PKNOX2: variants seen among roughly 807,000 people sequenced by gnomAD.
The protein encoded by PKNOX2 is homeobox protein PKNOX2.
PKNOX2 carries 14 observed loss-of-function variants against 53.1 expected under a neutral mutation model. The observed-to-expected ratio is 0.26, with a 90% confidence interval of 0.17 to 0.41. The LOEUF (loss-of-function observed/expected upper bound fraction) is 0.41, where lower values mean the gene tolerates loss of function less well. Among genes scored for constraint, PKNOX2 ranks in the 10% least tolerant of loss-of-function variants. PKNOX2 has a pLI of 1.00. For synonymous variants in PKNOX2, 257 were observed against 242.8 expected, an observed-to-expected ratio of 1.06 and a Z score of -0.54; for missense variants, 496 against 602.8, an observed-to-expected ratio of 0.82 and a Z score of 1.85.
rs950605642 is a variant in PKNOX2 at position 125,367,902 on chromosome 11, C to T, written c.144C>T (p.Pro48=). ...CCCAGGCTGTCCACATCTCTGCCCC[C>T]TCAGCTGCTGCCAGCACACCTGTGC... The part of the protein sequence containing the change: ...SKAQAVHISA[P]SAAASTPVPS... Residue 48 remains proline, a synonymous_variant, in exon 5 of 13, where the codon CCC becomes CCT. Coordinates refer to ENST00000298282, the MANE Select transcript of PKNOX2 (RefSeq NM_001382323.2). 14 of 1,613,716 alleles carry T rather than the reference C, an allele frequency of 8.7e-6. No homozygotes were observed. The highest frequency in any genetic ancestry group is 3.3e-5 in the Admixed American group (2 of 59,986).
intron 3 of PKNOX2, among the ~76,000 whole-genome samples, chr11:125,346,820 G>C (rs200576537): frequency 7.0e-6 from 1 of 142,354 alleles, no homozygotes; most frequent in Non-Finnish European, 1.5e-5. Flanking sequence ...GATGGAAGGG[G>C]GGAAGGAAGG....
intron 10 of PKNOX2, among the ~76,000 whole-genome samples, chr11:125,413,295 A>G (rs1358701615): frequency 2.0e-5 from 3 of 152,234 alleles, no homozygotes; most frequent in Non-Finnish European, 4.4e-5. Flanking sequence ...GTCCAGCCTC[A>G]GGCCTCTAAG....
chr11:125,312,892 G>C (rs1439958095), intron 2 of PKNOX2, among the ~76,000 whole-genome samples: 1 of 152,168 alleles, frequency 6.6e-6, no homozygotes. Flanking sequence ...AAGTAGATAA[G>C]GTAGGAAAGG....
chr11:125,189,719 T>C lies in PKNOX2; in HGVS notation c.-201+24943T>C, dbSNP rs577046732. Among the ~76,000 whole-genome samples, 84 of 151,832 alleles carry C rather than the reference T, an allele frequency of 5.5e-4. 1 individual carries two copies. The highest frequency in any genetic ancestry group is 2.0e-3 in the African/African-American group (81 of 41,408). On this transcript the variant is annotated intron_variant, in intron 1 of 12. Transcript: ENST00000298282. ...TACTTTCATCCTTCTTTCTCTGCAC[T>C]CTATGCCACTTTCTTCCACCATCCT... is the stretch of plus-strand genomic sequence containing the variant.
At chr11:125,395,839 T>C (rs1009684117) in intron 6 of PKNOX2, among the ~76,000 whole-genome samples, 4 of 152,244 alleles carry the variant, frequency 2.6e-5, no homozygotes, top group Non-Finnish European at 4.4e-5. Flanking sequence ...CTTTGTCAGG[T>C]ACTTGGTTTG....
chr11:125,361,315 C>G (rs564053968), intron 4 of PKNOX2, among the ~76,000 whole-genome samples: 144 of 152,342 alleles, frequency 9.5e-4, no homozygotes, highest in African/African-American at 3.4e-3. Flanking sequence ...GCAGAGGAGC[C>G]TGGCCTGGTT....
intron 2 of PKNOX2, among the ~76,000 whole-genome samples, chr11:125,235,407 G>T (rs1942589171): frequency 6.6e-6 from 1 of 152,236 alleles, no homozygotes. Flanking sequence ...GAGTCTGCAA[G>T]GCCGACCCAG....
At chr11:125,270,387 C>T (rs1408700543) in intron 2 of PKNOX2, among the ~76,000 whole-genome samples, 3 of 152,182 alleles carry the variant, frequency 2.0e-5, no homozygotes, top group Admixed American at 6.5e-5. Flanking sequence ...GCTGATCCTG[C>T]CTCTATGTGT....
At chr11:125,274,259 G>A (rs1473157020) in intron 2 of PKNOX2, among the ~76,000 whole-genome samples, 1 of 151,978 alleles carries the variant, frequency 6.6e-6, no homozygotes, top group Non-Finnish European at 1.5e-5. Flanking sequence ...TGATGCAGGG[G>A]GTCCACACTC....
At chr11:125,356,021 C>T (rs1242176353) in intron 4 of PKNOX2, among the ~76,000 whole-genome samples, 2 of 147,098 alleles carry the variant, frequency 1.4e-5, no homozygotes, top group Non-Finnish European at 3.0e-5. Flanking sequence ...CACACTCTCA[C>T]TATCAGCACC....
intron 6 of PKNOX2, among the ~76,000 whole-genome samples, chr11:125,396,265 T>A (rs1351968856): frequency 1.3e-5 from 2 of 152,178 alleles, no homozygotes; most frequent in Non-Finnish European, 2.9e-5. Flanking sequence ...GGATCATGCT[T>A]TTGGTGTCAA....
intron 7 of PKNOX2, among the ~76,000 whole-genome samples, chr11:125,405,908 G>A (rs1321826616): frequency 1.3e-5 from 2 of 152,210 alleles, no homozygotes; most frequent in Non-Finnish European, 2.9e-5. Context: ...TGTCTTCCTA[G>A]TGGAACAAAA....
At chr11:125,324,247 G>A (rs540651875) in intron 2 of PKNOX2, among the ~76,000 whole-genome samples, 4 of 152,212 alleles carry the variant, frequency 2.6e-5, no homozygotes, top group South Asian at 2.1e-4. Context: ...TGGGCCAGTC[G>A]CTTAACTTTC....
intron 6 of PKNOX2, among the ~76,000 whole-genome samples, chr11:125,392,938 C>G (rs564225684): frequency 3.6e-4 from 54 of 152,012 alleles, no homozygotes; most frequent in Non-Finnish European, 7.5e-4. Context: ...GTGGGCGGAT[C>G]ATGAGGTCAG....
intron 2 of PKNOX2, among the ~76,000 whole-genome samples, chr11:125,290,771 A>C (rs1355644764): frequency 6.6e-6 from 1 of 152,216 alleles, no homozygotes; most frequent in Non-Finnish European, 1.5e-5. Context: ...GAAATGGGTC[A>C]GTAACTTGAA....
chr11:125,414,121 G>A (rs1053037686), intron 10 of PKNOX2, among the ~76,000 whole-genome samples: 1 of 152,130 alleles, frequency 6.6e-6, no homozygotes, highest in Non-Finnish European at 1.5e-5. Flanking sequence ...AGAGCTCAGG[G>A]TCCTGTCTTT....
rs781166572 is a variant in PKNOX2 at position 125,431,195 on chromosome 11, C to G, written c.1222C>G (p.Leu408Val). 6.2e-7 allele frequency: 1 copy of G among 1,613,768 alleles called. No homozygotes were observed. The highest frequency in any genetic ancestry group is 8.5e-7 in the Non-Finnish European group (1 of 1,179,862). ...CATCAACTTGGACAACCTGCAGTCC[C>G]TGTCCTCAGACAGTGCCACCATGGC... Reference protein sequence around the residue: ...GSINLDNLQSLSSDSATMAMQ... With the variant: ...GSINLDNLQSVSSDSATMAMQ... The change falls in exon 13 of 13, where the codon CTG (leucine) becomes GTG (valine). Residue 408 changes from leucine (L) to valine (V), a missense_variant. By Grantham distance (32) the Leu-to-Val change is conservative. Coordinates refer to ENST00000298282, the MANE Select transcript of PKNOX2 (RefSeq NM_001382323.2).
At chr11:125,175,889 C>T (rs1050696086) in intron 1 of PKNOX2, among the ~76,000 whole-genome samples, 7 of 152,200 alleles carry the variant, frequency 4.6e-5, no homozygotes, top group African/African-American at 1.4e-4. Context: ...ACAGCGCCTA[C>T]ACCGTGACTT....
At chr11:125,214,229 G>A (rs920763338) in intron 1 of PKNOX2, among the ~76,000 whole-genome samples, 6 of 152,062 alleles carry the variant, frequency 3.9e-5, no homozygotes, top group African/African-American at 1.4e-4. Flanking sequence ...GCTGTCATCT[G>A]AGTGGGCTCC....
Sources: gnomAD v4.1 joint callset for allele counts (sites outside exome capture counted in the v4.1 genomes callset) on GRCh38, gnomAD v4.1.1 for gene constraint, MANE v1.5 for transcripts, NCBI Gene and HGNC (gene_info 2026-07-23, HGNC 2026-07-21) for gene names.